Variants in PIK3C2B observed in about 807,000 individuals in gnomAD.
PIK3C2B encodes phosphatidylinositol-4-phosphate 3-kinase catalytic subunit type 2 beta, also known as phosphatidylinositol 4-phosphate 3-kinase C2 domain-containing subunit beta.
In PIK3C2B, 83 loss-of-function variants were observed where a neutral mutation model predicts 184.3. That is an observed-to-expected ratio of 0.45 (90% CI 0.38 to 0.54). The LOEUF (loss-of-function observed/expected upper bound fraction) is 0.54. Among genes scored for constraint, PIK3C2B ranks in the 20% least tolerant of loss-of-function variants. The pLI, the probability that PIK3C2B is intolerant of heterozygous loss-of-function variation, is 0.00. For synonymous variants in PIK3C2B, 779 were observed against 837.6 expected (o/e 0.93, Z 1.21); for missense variants, 1,736 against 2,113.5 (o/e 0.82, Z 3.50).
chr1:204,492,388 C>T (rs1658066337), intron 1 of PIK3C2B, among the ~76,000 whole-genome samples: 1 of 152,174 alleles, frequency 6.6e-6, no homozygotes, highest in African/African-American at 2.4e-5. Flanking sequence ...TTATGATGTC[C>T]AAGTTCACAT....
At position 204,464,580 on chromosome 1, in the gene PIK3C2B, T is replaced by C. The variant is rs1251330816; in HGVS notation, c.1059A>G (p.Gln353=). ...AGACATAGCCAGTGAGGAAGTAGTC[T>C]TGGATGTCAGAGCCAGATCGAAGGC... is the stretch of plus-strand genomic sequence containing the variant. The part of the protein sequence containing the change: ...LDILRSGSDI[Q]DYFLTGYVWS... The change falls in exon 4 of 33, where the codon CAA becomes CAG. Residue 353 remains glutamine (Q), a synonymous_variant. Transcript: ENST00000684373. 5.0e-6 allele frequency: 8 copies of C among 1,614,062 alleles called. No homozygotes were observed. The East Asian group carries it at 6.7e-5, about 13-fold the overall frequency.
chr1:204,439,076 G>A lies in PIK3C2B; in HGVS notation c.3380-5C>T. 2 of 1,613,058 alleles carry A rather than the reference G, an allele frequency of 1.2e-6. No homozygotes were observed. The highest frequency in any genetic ancestry group is 1.7e-6 in the Non-Finnish European group (2 of 1,179,578). ...TAGGGATCATCTCCACCATCCCTGT[G>A]AGGGGAGAAATGGGGGTCACGTTCC... is the stretch of plus-strand genomic sequence containing the variant. On this transcript the variant is annotated splice_region_variant and splice_polypyrimidine_tract_variant and intron_variant, in intron 22 of 32. Transcript: ENST00000684373.
At chr1:204,430,665 T>A (rs906683684) in intron 28 of PIK3C2B, among the ~76,000 whole-genome samples, 1 of 112,090 alleles carries the variant, frequency 8.9e-6, no homozygotes, top group African/African-American at 4.5e-5. Flanking sequence ...TAAAAAGTTG[T>A]TTGTTTGTTT....
Position 204,434,613 on chromosome 1 carries a change from G to A in PIK3C2B, c.3517-5C>T, listed in dbSNP as rs369008003. ...GTAGATAAAGTTCTCCACAGCCTGG[G>A]AGGGGTCAAGGCAGATGGGAGGAGA... On this transcript the variant is annotated splice_region_variant and splice_polypyrimidine_tract_variant and intron_variant, in intron 23 of 32. Coordinates refer to ENST00000684373, the MANE Select transcript of PIK3C2B (RefSeq NM_001377334.1). 848 of 1,610,530 alleles carry A rather than the reference G, an allele frequency of 5.3e-4. 16 individuals carry two copies. In the South Asian group the frequency reaches 7.4e-3, roughly 14 times the overall value.
At position 204,494,770 on chromosome 1, in the gene PIK3C2B, C is replaced by G. The variant is rs149007534; in HGVS notation, c.-499G>C. Reference sequence around the variant, plus strand: ...GCCAGACCCTGCCTGGACAGGCAGGCACCCGGCCGCCGGCTCCAGCCGCAG... The same window carrying G: ...GCCAGACCCTGCCTGGACAGGCAGGGACCCGGCCGCCGGCTCCAGCCGCAG... On this transcript the variant is annotated 5_prime_UTR_variant, in exon 1 of 33. Transcript: ENST00000684373. 1 of 152,146 alleles carries G rather than the reference C, an allele frequency of 6.6e-6. No homozygotes were observed. The highest frequency in any genetic ancestry group is 1.5e-5 in the Non-Finnish European group (1 of 68,020). The allele number at this position is 152,146 out of a possible 1,614,324, so 9.4% of individuals were successfully genotyped here. A position where few individuals can be genotyped will look rare whatever the true frequency, so the allele number is the denominator to read the frequency against.
rs774397636 is a variant in PIK3C2B at position 204,432,224 on chromosome 1, C to A, written c.4131G>T (p.Lys1377Asn). The A allele has an allele frequency of 6.2e-6, 10 of 1,614,062 alleles. No homozygotes were observed. The highest frequency in any genetic ancestry group is 7.6e-6 in the Non-Finnish European group (9 of 1,180,000). ...CATAGCCTTTGTTGGGGTGGAAGAT[C>A]TTCTCATGGCGGCAGAGGAAAACAT... The part of the protein sequence containing the change: ...ISDVFLCRHE[K>N]IFHPNKGYIY... The change falls in exon 27 of 33, where the codon AAG becomes AAT. Residue 1377 changes from lysine to asparagine, a missense_variant. Lys to Asn is a moderately conservative substitution (Grantham distance 94, BLOSUM62 0). Coordinates refer to ENST00000684373, the MANE Select transcript of PIK3C2B (RefSeq NM_001377334.1).
intron 2 of PIK3C2B, chr1:204,467,208 G>A: frequency 3.4e-6 from 1 of 292,218 alleles, no homozygotes; most frequent in Non-Finnish European, 6.7e-6. Flanking sequence ...CTACCAGGGT[G>A]CCCTGACTCA....
chr1:204,444,126 C>T lies in PIK3C2B; in HGVS notation c.2809G>A (p.Val937Met). The change falls in exon 18 of 33, where the codon GTG becomes ATG. Residue 937 changes from valine (V) to methionine (M), a missense_variant. Val to Met is a conservative substitution (Grantham distance 21). Around this residue, in one of 8 missense-constraint regions of PIK3C2B, gnomAD observed 289 missense variants for 380.4 expected, o/e 0.76. Coordinates refer to ENST00000684373, the MANE Select transcript of PIK3C2B (RefSeq NM_001377334.1). The part of the protein sequence containing the change: ...KYECYLDSPL[V>M]RFLLKRAVSD... ...ACAGCTCGTTTCAGGAGGAAGCGCACCAACGGGCTGTCCAGGTAGCATTCA... is the reference window on the plus strand; with the variant it reads ...ACAGCTCGTTTCAGGAGGAAGCGCATCAACGGGCTGTCCAGGTAGCATTCA... 6.2e-7 allele frequency: 1 copy of T among 1,613,924 alleles called. No homozygotes were observed.
At chr1:204,474,459 T>G (rs1656560724) in intron 1 of PIK3C2B, among the ~76,000 whole-genome samples, 1 of 152,374 alleles carries the variant, frequency 6.6e-6, no homozygotes, top group East Asian at 1.9e-4. Context: ...CAACAATGCC[T>G]GGGCTGCCCA....
At chr1:204,443,991 C>A in intron 18 of PIK3C2B, 77 bp downstream of exon 18, 2 of 1,019,052 alleles carry the variant, frequency 2.0e-6, no homozygotes, top group Non-Finnish European at 3.1e-6. Context: ...AGTTCCTTGC[C>A]CTTGCGTGCC....
chr1:204,454,932 G>C (rs966522947), intron 11 of PIK3C2B, 141 bp from the exon 12 acceptor site: 1 of 884,080 alleles, frequency 1.1e-6, no homozygotes, highest in African/African-American at 1.7e-5. Context: ...TCTCCGGATA[G>C]GACAGCCAAA....
At chr1:204,431,203 T>C in intron 28 of PIK3C2B, 1 of 229,716 alleles carries the variant, frequency 4.4e-6, no homozygotes, top group Non-Finnish European at 8.7e-6. Context: ...GGAGTCTGAC[T>C]ACTCCAGGTA....
At chr1:204,449,045 T>C in intron 14 of PIK3C2B, 140 bp downstream of exon 14, 1 of 653,188 alleles carries the variant, frequency 1.5e-6, no homozygotes, top group Non-Finnish European at 2.8e-6. Context: ...ATTCCCTCAG[T>C]TGCTTCAGTC....
intron 1 of PIK3C2B, among the ~76,000 whole-genome samples, chr1:204,481,818 A>C (rs1657175137): frequency 6.6e-6 from 1 of 152,182 alleles, no homozygotes; most frequent in African/African-American, 2.4e-5. Context: ...TCATTCCCTA[A>C]ATCAGGAAGG....
At chr1:204,450,963 C>G (rs1383448641) in intron 12 of PIK3C2B, among the ~76,000 whole-genome samples, 1 of 152,220 alleles carries the variant, frequency 6.6e-6, no homozygotes, top group African/African-American at 2.4e-5. Flanking sequence ...GCGGCCACCC[C>G]CAAGGTTGGC....
At chr1:204,458,656 G>A (rs959914136) in intron 8 of PIK3C2B, among the ~76,000 whole-genome samples, 4 of 152,058 alleles carry the variant, frequency 2.6e-5, no homozygotes, top group African/African-American at 9.7e-5. Context: ...ACCACACCCA[G>A]TTAATTTTTG....
intron 1 of PIK3C2B, among the ~76,000 whole-genome samples, chr1:204,489,213 A>T (rs1350784213): frequency 6.6e-6 from 1 of 152,158 alleles, no homozygotes; most frequent in African/African-American, 2.4e-5. Context: ...TGAAACCTGG[A>T]TGCAATCAGA....
At chr1:204,484,839 A>G (rs1206185420) in intron 1 of PIK3C2B, among the ~76,000 whole-genome samples, 2 of 152,292 alleles carry the variant, frequency 1.3e-5, no homozygotes, top group Non-Finnish European at 2.9e-5. Context: ...CCACTCAAAA[A>G]AATAAACATA....
intron 12 of PIK3C2B, 66 bp from the exon 13 acceptor site, chr1:204,450,083 G>A: frequency 7.2e-7 from 1 of 1,383,926 alleles, no homozygotes; most frequent in Non-Finnish European, 9.8e-7. Flanking sequence ...AGGTGGCCCA[G>A]GAAGTCAGGC....
Sources: gnomAD v4.1 joint callset for allele counts (sites outside exome capture counted in the v4.1 genomes callset) on GRCh38, gnomAD v4.1.1 for gene constraint, gnomAD v4.1.1 regional missense constraint, MANE v1.5 for transcripts, NCBI Gene and HGNC (gene_info 2026-07-23, HGNC 2026-07-21) for gene names.